The following SPATA1 variants were observed in gnomAD, a reference collection of about 807,000 sequenced individuals.
The protein encoded by SPATA1 is spermatogenesis associated 1, also known as spermatogenesis-associated protein 1.
SPATA1 carries 57 observed loss-of-function variants against 59.6 expected under a neutral mutation model. The ratio of observed to expected loss-of-function variants is 0.96; its 90% confidence interval spans 0.77 to 1.19. The LOEUF is 1.19. SPATA1 is among the 50% of genes most tolerant of loss of function. The probability of loss-of-function intolerance (pLI) is 0.00; values close to 1 mark genes in which losing one functional copy is unlikely to be tolerated. For missense variants in SPATA1, 448 were observed against 480.7 expected (o/e 0.93, Z 0.64); for synonymous variants, 147 against 163.9 (o/e 0.90, Z 0.79).
chr1:84,512,971 A>C (rs1682636210), intron 1 of SPATA1, among the ~76,000 whole-genome samples: 1 of 152,208 alleles, frequency 6.6e-6, no homozygotes, highest in Non-Finnish European at 1.5e-5. Context: ...GTCTCCTTTC[A>C]TTTGAATTGT....
At chr1:84,545,006 C>A (rs1367072630) in intron 9 of SPATA1, among the ~76,000 whole-genome samples, 1 of 150,484 alleles carries the variant, frequency 6.6e-6, no homozygotes, top group Non-Finnish European at 1.5e-5. Context: ...GTCAGGAGTT[C>A]GAGACCAGCC....
chr1:84,538,578 C>G (rs1275304740), intron 8 of SPATA1, among the ~76,000 whole-genome samples: 1 of 152,120 alleles, frequency 6.6e-6, no homozygotes, highest in Non-Finnish European at 1.5e-5. Flanking sequence ...TTGAGGTATC[C>G]CCTTGCCCCA....
chr1:84,522,342 C>A, intron 3 of SPATA1, 48 bp from the exon 4 acceptor site: 1 of 1,140,314 alleles, frequency 8.8e-7, no homozygotes. Context: ...TTAGTATATC[C>A]AAAATCTATT....
intron 1 of SPATA1, among the ~76,000 whole-genome samples, chr1:84,507,564 C>T (rs1682325314): frequency 6.6e-6 from 1 of 152,206 alleles, no homozygotes; most frequent in Non-Finnish European, 1.5e-5. Context: ...TGAAAGCTAT[C>T]TCAATAAATA....
intron 3 of SPATA1, among the ~76,000 whole-genome samples, chr1:84,522,084 C>A (rs1018026599): frequency 6.6e-6 from 1 of 152,118 alleles, no homozygotes; most frequent in African/African-American, 2.4e-5. Context: ...TATTCCACAG[C>A]AAATTTTAAC....
chr1:84,565,968 T>A, exon 5 of SPATA1: 2 of 1,589,626 alleles, frequency 1.3e-6, no homozygotes, highest in Middle Eastern at 3.3e-4. Flanking sequence ...AATTATAGCA[T>A]CTTCTGTCTA....
intron 4 of SPATA1, among the ~76,000 whole-genome samples, chr1:84,523,705 T>A (rs1223278552): frequency 2.0e-5 from 3 of 152,188 alleles, no homozygotes; most frequent in African/African-American, 7.2e-5. Flanking sequence ...GAAGAGGTTT[T>A]GGTTATCAGA....
downstream of SPATA1, among the ~76,000 whole-genome samples, chr1:84,557,558 A>AG (rs1394025329): frequency 4.8e-4 from 71 of 149,242 alleles, 1 homozygote; most frequent in African/African-American, 1.6e-3. Context: ...AAAAAAGAAA[A>AG]AAAAAAAAAG....
intron 1 of SPATA1, among the ~76,000 whole-genome samples, chr1:84,509,493 G>A (rs372463551): frequency 1.3e-5 from 2 of 152,234 alleles, no homozygotes; most frequent in South Asian, 2.1e-4. Flanking sequence ...TTGGGGCATG[G>A]TGGCTTACAC....
chr1:84,533,790 A>G lies in SPATA1; in HGVS notation c.717+24A>G, dbSNP rs1321941632. 5.5e-6 allele frequency: 8 copies of G among 1,447,308 alleles called. No individual in the cohort carries two copies. In the Admixed American group the frequency reaches 1.7e-4, roughly 30 times the overall value. 89.7% of individuals were successfully genotyped at this position (1,447,308 alleles called of 1,614,324 possible). ...AGGTACTATTTAAAATTTTTTGTTT[A>G]AACATGGTATTGCAACATCATAATA... On this transcript the variant is annotated intron_variant, in intron 8 of 12. Transcript: ENST00000490879.
chr1:84,507,128 C>T (rs1682293947), intron 1 of SPATA1: 1 of 152,142 alleles, frequency 6.6e-6, no homozygotes, highest in Admixed American at 6.5e-5. Flanking sequence ...GTCTTTCTTT[C>T]ATCCACGGAA....
intron 1 of SPATA1, among the ~76,000 whole-genome samples, chr1:84,510,740 A>T (rs1682501569): frequency 6.6e-6 from 1 of 152,252 alleles, no homozygotes; most frequent in Non-Finnish European, 1.5e-5. Context: ...CACAATAGCC[A>T]AGATTTAAAA....
At chr1:84,522,911 CTTT>C (rs370552721) in intron 4 of SPATA1, among the ~76,000 whole-genome samples, 1 of 143,556 alleles carries the variant, frequency 7.0e-6, no homozygotes, top group African/African-American at 2.6e-5. Flanking sequence ...TTGGTGTCAA[CTTT>C]TTTTTTTTTT....
chr1:84,521,408 C>T (rs181006469), intron 3 of SPATA1, among the ~76,000 whole-genome samples: 1 of 152,252 alleles, frequency 6.6e-6, no homozygotes, highest in East Asian at 1.9e-4. Context: ...TTCTAATCTT[C>T]ATCATCTCTT....
At chr1:84,521,226 G>A (rs1683012835) in intron 3 of SPATA1, among the ~76,000 whole-genome samples, 1 of 152,082 alleles carries the variant, frequency 6.6e-6, no homozygotes, top group Non-Finnish European at 1.5e-5. Context: ...GCTGATCTGA[G>A]AATAGCAGTT....
chr1:84,525,675 T>C, intron 4 of SPATA1, 21 bp from the exon 5 acceptor site: 1 of 1,553,686 alleles, frequency 6.4e-7, no homozygotes, highest in Non-Finnish European at 8.6e-7. Flanking sequence ...CTTTAATTTT[T>C]TTCTCACTAC....
intron 10 of SPATA1, among the ~76,000 whole-genome samples, chr1:84,547,651 C>G (rs898471532): frequency 4.6e-5 from 7 of 152,042 alleles, no homozygotes; most frequent in South Asian, 2.1e-4. Flanking sequence ...GAGGCAGGCA[C>G]AAAGGGAACA....
At chr1:84,522,832 G>C (rs1008766887) in intron 4 of SPATA1, among the ~76,000 whole-genome samples, 10 of 152,024 alleles carry the variant, frequency 6.6e-5, no homozygotes, top group Non-Finnish European at 1.3e-4. Flanking sequence ...GGAAAAAATG[G>C]GGTTCTCATC....
At chr1:84,522,576 CT>C in intron 4 of SPATA1, 69 bp downstream of exon 4, 1 of 714,316 alleles carries the variant, frequency 1.4e-6, no homozygotes. Flanking sequence ...TTCTTAAATG[CT>C]TATCAACTCA....
Sources: gnomAD v4.1 joint callset for allele counts (sites outside exome capture counted in the v4.1 genomes callset) on GRCh38, gnomAD v4.1.1 for gene constraint, MANE v1.5 for transcripts, NCBI Gene and HGNC (gene_info 2026-07-23, HGNC 2026-07-21) for gene names.